ZNF577: variants seen among roughly 807,000 people sequenced by gnomAD.
ZNF577 encodes the protein zinc finger protein 577.
A neutral mutation model predicts 13.9 loss-of-function variants in ZNF577; 14 were observed. The observed-to-expected ratio is 1.00, with a 90% CI of 0.66 to 1.57. The LOEUF (loss-of-function observed/expected upper bound fraction) is 1.57. Among genes scored for constraint, ZNF577 ranks in the 40% most tolerant of loss-of-function variants. The pLI is 0.00. For missense variants in ZNF577, 555 were observed against 579.2 expected (o/e 0.96, Z 0.43); for synonymous variants, 203 against 202.9 (o/e 1.00, Z 0.00).
chr19:51,805,642 C>T (rs1409755849), intron 10 of ZNF577, among the ~76,000 whole-genome samples: 1 of 152,228 alleles, frequency 6.6e-6, no homozygotes, highest in African/African-American at 2.4e-5. Flanking sequence ...AACATTGCCA[C>T]TTCAGTTTGT....
Position 51,872,504 on chromosome 19 carries a change from T to C in ZNF577, c.*28A>G, listed in dbSNP as rs1322982826. The stretch of plus-strand genomic sequence containing the variant: ...ATGGCTGGAGGATTCCTACTAAAGA[T>C]TTTCCCACCTTTCTGGTATCAGAAG... On this transcript the variant is annotated 3_prime_UTR_variant, in exon 6 of 6. Transcript: ENST00000638348. 6.7e-7 allele frequency: 1 copy of C among 1,498,374 alleles called. No individual in the cohort carries two copies. The highest frequency in any genetic ancestry group is 1.3e-5 in the South Asian group (1 of 74,358). The allele number at this position is 1,498,374 out of a possible 1,614,324, so 92.8% of individuals were successfully genotyped here.
At position 51,873,084 on chromosome 19, in the gene ZNF577, A is replaced by G; in HGVS notation, c.906T>C (p.Asp302=). ...ACTTAAAATAGAAGGTTCTTCCACA[A>G]TCACTGCATTTATAAGGCTTATCTC... The part of the protein sequence containing the change: ...HTGDKPYKCS[D]CGRTFYFKSD... Residue 302 remains aspartate, a synonymous_variant, in exon 6 of 6, where the codon GAT becomes GAC. Transcript: ENST00000638348. The G allele has an allele frequency of 1.2e-6, 2 of 1,614,186 alleles. No individual in the cohort carries two copies. The highest frequency in any genetic ancestry group is 1.7e-6 in the Non-Finnish European group (2 of 1,180,046).
At chr19:51,837,061 A>AG (rs1388145738) in intron 9 of ZNF577, among the ~76,000 whole-genome samples, 1 of 131,264 alleles carries the variant, frequency 7.6e-6, no homozygotes, top group Non-Finnish European at 1.5e-5. Flanking sequence ...AAAAAAAAAG[A>AG]AAAGAAAAGA....
At chr19:51,876,058 G>C (rs6509588) in intron 5 of ZNF577, among the ~76,000 whole-genome samples, 17,508 of 152,198 alleles carry the variant, frequency 0.12, 1,990 homozygotes, top group African/African-American at 0.27. Flanking sequence ...GGAGGAAAGA[G>C]AATCACAGTT....
At position 51,872,981 on chromosome 19, in the gene ZNF577, T is replaced by A; in HGVS notation, c.1009A>T (p.Ser337Cys). The A allele has an allele frequency of 1.9e-6, 3 of 1,614,196 alleles. No individual in the cohort carries two copies. The highest frequency in any genetic ancestry group is 2.5e-6 in the Non-Finnish European group (3 of 1,180,040). The part of the protein sequence containing the change: ...ECSECEKAFR[S>C]KSKLIQHQRT... The stretch of plus-strand genomic sequence containing the variant: ...TGATGCTGAATGAGCTTCGACTTGC[T>A]TCTAAAGGCTTTTTCACACTCACTA... The change falls in exon 6 of 6, where the codon AGC becomes TGC. Residue 337 changes from serine (S) to cysteine (C), a missense_variant. Coordinates refer to ENST00000638348, the MANE Select transcript of ZNF577 (RefSeq NM_001370449.1).
intron 1 of ZNF577, among the ~76,000 whole-genome samples, chr19:51,885,668 C>A (rs113206035): frequency 2.6e-5 from 4 of 152,126 alleles, no homozygotes; most frequent in African/African-American, 9.7e-5. Flanking sequence ...CCCGCTACCA[C>A]GCCCTGCTAA....
chr19:51,884,853 G>A (rs866179775), intron 1 of ZNF577, among the ~76,000 whole-genome samples: 3 of 152,248 alleles, frequency 2.0e-5, no homozygotes, highest in Admixed American at 2.0e-4. Flanking sequence ...GAAGCGTATG[G>A]CATAATTAAC....
Position 51,880,678 on chromosome 19 carries a change from C to T in ZNF577, c.-20+1G>A, listed in dbSNP as rs1007363969. 1 of 420,866 alleles carries T rather than the reference C, an allele frequency of 2.4e-6. No homozygotes were observed. Among genetic ancestry groups the T allele is most frequent in the Non-Finnish European group, 4.3e-6 (1 of 230,738 alleles). 26.1% of individuals were successfully genotyped at this position (420,866 alleles called of 1,614,324 possible). ...GACAAAATAGGTAAAACAAACCTCACCTGGGCCTTGCCCATTTCGTTCAAC... is the reference window on the plus strand; with the variant it reads ...GACAAAATAGGTAAAACAAACCTCATCTGGGCCTTGCCCATTTCGTTCAAC... On this transcript the variant is annotated splice_donor_variant, in intron 2 of 5. Transcript: ENST00000638348. LOFTEE classifies it low-confidence loss of function (5UTR_SPLICE).
intron 9 of ZNF577, chr19:51,823,645 C>A: frequency 1.0e-6 from 1 of 968,748 alleles, no homozygotes; most frequent in Non-Finnish European, 1.5e-6. Context: ...GGAGGGTCTG[C>A]TGGTAGGAGG....
chr19:51,824,363 CT>C lies in ZNF577; in HGVS notation c.*600-12690del. The C allele has an allele frequency of 6.2e-7, 1 of 1,614,174 alleles. No individual in the cohort carries two copies. Among genetic ancestry groups the C allele is most frequent in the African/African-American group, 1.3e-5 (1 of 75,062 alleles). ...TGGCCAAGGTCTTTCTGATCCTCCA[CT>C]TCATTATTGGCTTCAGCGTGCCTAT... On this transcript the variant is annotated intron_variant and NMD_transcript_variant, in intron 9 of 10. Coordinates refer to the ZNF577 transcript ENST00000638827. This position sits in a 1 kb window ranked among gnomAD's most constrained non-coding sequence, Gnocchi z 4.7.
downstream of ZNF577, among the ~76,000 whole-genome samples, chr19:51,865,212 G>A (rs1032121411): frequency 1.3e-4 from 20 of 152,034 alleles, no homozygotes; most frequent in Admixed American, 9.8e-4. Context: ...TTCTCCAACC[G>A]CACCTCTGGA....
At chr19:51,813,785 C>T (rs189149597) in intron 9 of ZNF577, among the ~76,000 whole-genome samples, 16 of 152,290 alleles carry the variant, frequency 1.1e-4, no homozygotes, top group Admixed American at 2.0e-4. Flanking sequence ...CCACCCACCT[C>T]GGCCTCCCAA....
intron 5 of ZNF577, among the ~76,000 whole-genome samples, chr19:51,858,044 C>T (rs905468824): frequency 6.6e-6 from 1 of 152,072 alleles, no homozygotes; most frequent in African/African-American, 2.4e-5. Flanking sequence ...TTACTCTCAC[C>T]AGATATGCTC....
rs556366026 is a variant in ZNF577 at position 51,874,574 on chromosome 19, G to A, written c.284-868C>T. Among the ~76,000 whole-genome samples, 15 of 152,296 alleles carry A rather than the reference G, an allele frequency of 9.8e-5. No individual in the cohort carries two copies. In the South Asian group the frequency reaches 2.5e-3, roughly 25 times the overall value. Reference sequence around the variant, plus strand: ...GAAATACAAAAGTTTGGCAAGGCTGGCAGGATTAAAAACATGAAGATTTTG... The same window carrying A: ...GAAATACAAAAGTTTGGCAAGGCTGACAGGATTAAAAACATGAAGATTTTG... On this transcript the variant is annotated intron_variant, in intron 5 of 5. Transcript: ENST00000638348.
chr19:51,857,860 G>A (rs986677098), intron 5 of ZNF577, among the ~76,000 whole-genome samples: 2 of 152,128 alleles, frequency 1.3e-5, no homozygotes, highest in Non-Finnish European at 1.5e-5. Context: ...TTTTTGTAGA[G>A]ATGGAGTCTC....
In ZNF577 at chr19:51,872,682, A is replaced by G. The variant is rs2084678900; in HGVS notation, c.1308T>C (p.Asn436=). The change falls in exon 6 of 6, where the codon AAT becomes AAC. Residue 436 remains asparagine (N), a synonymous_variant. Coordinates refer to ENST00000638348, the MANE Select transcript of ZNF577 (RefSeq NM_001370449.1). ...LNKSERLVGR[N]VVIVEQPFPR... is the part of the protein sequence containing the mutation. Reference sequence around the variant, plus strand: ...GAAAAGGTTGTTCCACAATCACTACATTTCTGCCCACTAGGCGCTCACTCT... The same window carrying G: ...GAAAAGGTTGTTCCACAATCACTACGTTTCTGCCCACTAGGCGCTCACTCT... 1 of 1,614,142 alleles carries G rather than the reference A, an allele frequency of 6.2e-7. No individual in the cohort carries two copies. Among genetic ancestry groups the G allele is most frequent in the African/African-American group, 1.3e-5 (1 of 75,038 alleles).
chr19:51,885,134 A>G (rs1049738526), intron 1 of ZNF577, among the ~76,000 whole-genome samples: 8 of 152,220 alleles, frequency 5.3e-5, no homozygotes, highest in African/African-American at 1.9e-4. Context: ...TTAATTAGGT[A>G]TGTCATTCTA....
intron 9 of ZNF577, among the ~76,000 whole-genome samples, chr19:51,818,994 A>G (rs1021707377): frequency 7.9e-5 from 12 of 152,250 alleles, no homozygotes; most frequent in African/African-American, 2.9e-4. Context: ...TGACAGGGCC[A>G]TGGACATGGG....
At chr19:51,854,171 A>T (rs1427025088) in intron 5 of ZNF577, among the ~76,000 whole-genome samples, 1 of 152,210 alleles carries the variant, frequency 6.6e-6, no homozygotes, top group Non-Finnish European at 1.5e-5. Context: ...CAGAAAATCC[A>T]CGAATAAAGT....
Sources: gnomAD v4.1 joint callset for allele counts (sites outside exome capture counted in the v4.1 genomes callset) on GRCh38, gnomAD v4.1.1 for gene constraint, Gnocchi (gnomAD v3.1) non-coding constraint, MANE v1.5 for transcripts, NCBI Gene and HGNC (gene_info 2026-07-23, HGNC 2026-07-21) for gene names.